Variants in CDH18 observed in about 807,000 individuals in gnomAD.
The protein encoded by CDH18 is cadherin 18, also known as cadherin-18.
A neutral mutation model predicts 67.9 loss-of-function variants in CDH18; 31 were observed. The observed-to-expected ratio is 0.46, with a 90% CI of 0.34 to 0.62. CDH18 has a LOEUF of 0.62. CDH18 is among the 20% of genes least tolerant of loss of function. The probability of loss-of-function intolerance (pLI) is 0.01; values close to 1 mark genes in which losing one functional copy is unlikely to be tolerated. For synonymous variants in CDH18, 362 were observed against 347.2 expected (o/e 1.04, Z -0.48); for missense variants, 890 against 975.5 (o/e 0.91, Z 1.17).
intron 2 of CDH18, among the ~76,000 whole-genome samples, chr5:19,903,926 C>A (rs1246989664): frequency 1.3e-5 from 2 of 151,896 alleles, no homozygotes; most frequent in Non-Finnish European, 2.9e-5. Flanking sequence ...TTAATGCTTC[C>A]ATTTAATAAG....
chr5:20,172,088 A>C (rs989794241), intron 2 of CDH18, among the ~76,000 whole-genome samples: 19 of 147,964 alleles, frequency 1.3e-4, no homozygotes, highest in Middle Eastern at 6.9e-3. Flanking sequence ...GTTTAGTAAC[A>C]ATTGCCTAGT....
chr5:19,908,109 C>T (rs961641793), intron 2 of CDH18, among the ~76,000 whole-genome samples: 9 of 151,964 alleles, frequency 5.9e-5, no homozygotes, highest in Non-Finnish European at 1.0e-4. Context: ...AAGTAAAAAT[C>T]ATATTCAGAA....
intron 3 of CDH18, among the ~76,000 whole-genome samples, chr5:19,751,675 C>T (rs1444300087): frequency 1.3e-5 from 2 of 152,160 alleles, no homozygotes; most frequent in African/African-American, 4.8e-5. Flanking sequence ...TAAGCAGTAA[C>T]AGTCTCTTGC....
At chr5:20,431,386 G>C (rs1748722566) in intron 1 of CDH18, among the ~76,000 whole-genome samples, 2 of 151,674 alleles carry the variant, frequency 1.3e-5, no homozygotes, top group Non-Finnish European at 2.9e-5. Context: ...CCAGCTACTT[G>C]GGAGGCTAAG....
intron 1 of CDH18, among the ~76,000 whole-genome samples, chr5:20,306,310 C>T (rs1736448307): frequency 6.6e-6 from 1 of 152,052 alleles, no homozygotes; most frequent in Non-Finnish European, 1.5e-5. Flanking sequence ...TTTCATATTT[C>T]CAATATACTC....
At chr5:19,677,285 G>C (rs1561018965) in intron 5 of CDH18, among the ~76,000 whole-genome samples, 1 of 152,012 alleles carries the variant, frequency 6.6e-6, no homozygotes, top group African/African-American at 2.4e-5. Context: ...TTCCACCCAA[G>C]AATTTCATAT....
chr5:19,660,967 A>G (rs1055448158), intron 5 of CDH18, among the ~76,000 whole-genome samples: 3 of 151,972 alleles, frequency 2.0e-5, no homozygotes, highest in African/African-American at 7.2e-5. Flanking sequence ...ATACTAATAC[A>G]ATAACGGTGA....
At chr5:20,333,734 A>AGCAAT (rs1283248688) in intron 1 of CDH18, among the ~76,000 whole-genome samples, 1 of 152,110 alleles carries the variant, frequency 6.6e-6, no homozygotes, top group Non-Finnish European at 1.5e-5. Flanking sequence ...AGTGTTATGC[A>AGCAAT]GCAATTTGTA....
At chr5:20,477,652 C>A (rs1317682238) in intron 1 of CDH18, among the ~76,000 whole-genome samples, 1 of 152,180 alleles carries the variant, frequency 6.6e-6, no homozygotes, top group Non-Finnish European at 1.5e-5. Context: ...CTAGCCCCAA[C>A]GCCATGGGCT....
At chr5:19,992,449 TAA>T (rs548977890), upstream of CDH18, among the ~76,000 whole-genome samples, 5 of 128,674 alleles carry the variant, frequency 3.9e-5, no homozygotes, top group Admixed American at 8.0e-5. Flanking sequence ...ATGCCAGACT[TAA>T]AAAAAAAAAA....
intron 2 of CDH18, among the ~76,000 whole-genome samples, chr5:20,199,760 C>A (rs1739295548): frequency 6.6e-6 from 1 of 152,084 alleles, no homozygotes; most frequent in Non-Finnish European, 1.5e-5. Context: ...ATGGGAAGAA[C>A]CCAATAGGAG....
At chr5:20,532,712 A>G (rs1756481878) in intron 1 of CDH18, among the ~76,000 whole-genome samples, 1 of 152,054 alleles carries the variant, frequency 6.6e-6, no homozygotes, top group Admixed American at 6.6e-5. Flanking sequence ...CTGACAATTC[A>G]TTCTATTAAA....
At chr5:20,165,946 C>T (rs536470553) in intron 2 of CDH18, among the ~76,000 whole-genome samples, 32 of 152,008 alleles carry the variant, frequency 2.1e-4, no homozygotes, top group Non-Finnish European at 2.9e-4. Flanking sequence ...AAAACTGTGT[C>T]CATTTTTTTC....
chr5:20,188,994 T>A (rs569989307), intron 2 of CDH18, among the ~76,000 whole-genome samples: 1 of 152,152 alleles, frequency 6.6e-6, no homozygotes, highest in African/African-American at 2.4e-5. Context: ...TCCAGCTGTT[T>A]GATTTTACTG....
rs112788806 is a variant in CDH18 at position 20,075,133 on chromosome 5, C to T, written c.-517-83119G>A. ...TGACTTCGGATGTATGTGGGTCAAA[C>T]CAAGAAGACTTATATGTAACAGATT... On this transcript the variant is annotated intron_variant, in intron 2 of 14. Coordinates refer to the CDH18 transcript ENST00000507958. Among the ~76,000 whole-genome samples the T allele has an allele frequency of 6.4e-3, 967 of 152,206 alleles. 18 individuals are homozygous for T. Among genetic ancestry groups the T allele is most frequent in the African/African-American group, 0.021 (870 of 41,532 alleles).
At chr5:19,965,660 CA>C (rs1381288761) in intron 2 of CDH18, among the ~76,000 whole-genome samples, 1 of 152,136 alleles carries the variant, frequency 6.6e-6, no homozygotes, top group Non-Finnish European at 1.5e-5. Context: ...AAAAACTATA[CA>C]GTATGTCAAC....
At chr5:19,527,871 T>C (rs1747986451) in intron 9 of CDH18, among the ~76,000 whole-genome samples, 1 of 151,710 alleles carries the variant, frequency 6.6e-6, no homozygotes, top group Non-Finnish European at 1.5e-5. Flanking sequence ...TGCCTATAAA[T>C]CCTCCAATAA....
At chr5:20,254,484 A>C (rs938067567) in intron 2 of CDH18, among the ~76,000 whole-genome samples, 2 of 152,212 alleles carry the variant, frequency 1.3e-5, no homozygotes, top group African/African-American at 4.8e-5. Flanking sequence ...TCATAGGTGC[A>C]GAAGAAATAA....
chr5:19,965,010 C>T (rs1436392976), intron 2 of CDH18, among the ~76,000 whole-genome samples: 1 of 152,040 alleles, frequency 6.6e-6, no homozygotes, highest in Non-Finnish European at 1.5e-5. Context: ...CACACATATG[C>T]AATATATACC....
Sources: allele counts gnomAD v4.1 joint callset (sites outside exome capture counted in the v4.1 genomes callset), GRCh38; gene constraint gnomAD v4.1.1; transcripts MANE v1.5; gene names NCBI Gene and HGNC (gene_info 2026-07-23, HGNC 2026-07-21).